Variants in GMEB1 observed in about 807,000 individuals in gnomAD.
The protein encoded by GMEB1 is glucocorticoid modulatory element-binding protein 1.
GMEB1 carries 6 observed loss-of-function variants against 52.4 expected under a neutral mutation model. The ratio of observed to expected loss-of-function variants is 0.11; its 90% CI spans 0.06 to 0.23. GMEB1 has a LOEUF of 0.23. Ranked by LOEUF, GMEB1 falls within the 10% of genes least tolerant of loss-of-function variation. GMEB1 has a pLI of 1.00. For synonymous variants in GMEB1, 255 were observed against 244.9 expected (o/e 1.04, Z -0.38); for missense variants, 486 against 685.6 (o/e 0.71, Z 3.25).
At chr1:28,688,763 G>T (rs2124502400) in intron 2 of GMEB1, among the ~76,000 whole-genome samples, 1 of 151,112 alleles carries the variant, frequency 6.6e-6, no homozygotes, top group East Asian at 2.0e-4. Context: ...AGGGACATCA[G>T]CTTTTTAGTC....
Position 28,714,534 on chromosome 1 carries a change from G to C in GMEB1, c.1453G>C (p.Val485Leu). The C allele has an allele frequency of 6.2e-7, 1 of 1,614,192 alleles. No homozygotes were observed. The highest frequency in any genetic ancestry group is 8.5e-7 in the Non-Finnish European group (1 of 1,180,038). Residue 485 changes from valine to leucine, a missense_variant, in exon 10 of 10, where the codon GTG becomes CTG. Val to Leu is a conservative substitution (Grantham distance 32, BLOSUM62 1). Around this residue, in one of 5 missense-constraint regions of GMEB1, gnomAD observed 153 missense variants for 200.8 expected, o/e 0.76. Coordinates refer to ENST00000373816, the MANE Select transcript of GMEB1 (RefSeq NM_001319674.2). The stretch of plus-strand genomic sequence containing the variant: ...CAACATGACCACCATGGTTAGCCCT[G>C]TGGAATTGGTGGCCATGGAGTCCGG... ...LGNMTTMVSP[V>L]ELVAMESGLT...
intron 1 of GMEB1, among the ~76,000 whole-genome samples, chr1:28,678,674 A>C (rs1669262355): frequency 6.6e-6 from 1 of 152,116 alleles, no homozygotes. Context: ...GCTGAAGTGC[A>C]GTGGCACGAT....
At chr1:28,702,087 TGGGGCTGGCAGGCTAGTA>T (rs1469929407) in intron 6 of GMEB1, among the ~76,000 whole-genome samples, 5 of 152,142 alleles carry the variant, frequency 3.3e-5, no homozygotes, top group African/African-American at 4.8e-5. Context: ...TCAGTAAGTC[TGGGGCTGGCAGGCTAGTA>T]GGGGCTGGCA....
chr1:28,695,026 A>G (rs1212915219), intron 5 of GMEB1, among the ~76,000 whole-genome samples: 1 of 140,068 alleles, frequency 7.1e-6, no homozygotes, highest in African/African-American at 2.7e-5. Context: ...GTGCAGTGGC[A>G]TGATCTTGGC....
intron 6 of GMEB1, among the ~76,000 whole-genome samples, chr1:28,701,849 C>T (rs1670532074): frequency 6.6e-6 from 1 of 152,134 alleles, no homozygotes; most frequent in Non-Finnish European, 1.5e-5. Flanking sequence ...CATGAGCTAC[C>T]ACGCCCAGTC....
At position 28,704,300 on chromosome 1, in the gene GMEB1, G is replaced by A. The variant is rs764765921; in HGVS notation, c.839G>A (p.Arg280Gln). 40 of 1,612,762 alleles carry A rather than the reference G, an allele frequency of 2.5e-5. No homozygotes were observed. Among genetic ancestry groups the A allele is most frequent in the Non-Finnish European group, 3.2e-5 (38 of 1,179,440 alleles). ...GAGCTACTCAGGGGAGTTCAGCAGC[G>A]GCTCATCCAGGCTCCCTTCCAAGTC... ...IEELLRGVQQ[R>Q]LIQAPFQVTD... The change falls in exon 8 of 10, where the codon CGG (arginine) becomes CAG (glutamine). Residue 280 changes from arginine to glutamine, a missense_variant. Physicochemically the swap from Arg to Gln is conservative, Grantham distance 43 (BLOSUM62 1). Coordinates refer to ENST00000373816, the MANE Select transcript of GMEB1 (RefSeq NM_001319674.2).
intron 6 of GMEB1, among the ~76,000 whole-genome samples, chr1:28,700,823 T>C (rs990711899): frequency 6.6e-6 from 1 of 152,206 alleles, no homozygotes; most frequent in Non-Finnish European, 1.5e-5. Context: ...ATTTGGACAC[T>C]TGACTCTTTC....
intron 2 of GMEB1, among the ~76,000 whole-genome samples, chr1:28,685,297 C>T (rs192270245): frequency 4.4e-4 from 67 of 151,804 alleles, no homozygotes; most frequent in Admixed American, 2.9e-3. Flanking sequence ...GCAACCTCCG[C>T]CTCCCAGGTT....
At chr1:28,701,268 CTTT>C (rs67909525) in intron 6 of GMEB1, among the ~76,000 whole-genome samples, 1 of 109,826 alleles carries the variant, frequency 9.1e-6, no homozygotes, top group African/African-American at 3.5e-5. Flanking sequence ...TAAAAGCTGT[CTTT>C]TTTTTTTTTT....
At chr1:28,698,089 G>A (rs368761326) in intron 6 of GMEB1, among the ~76,000 whole-genome samples, 8 of 151,660 alleles carry the variant, frequency 5.3e-5, no homozygotes, top group Admixed American at 2.0e-4. Flanking sequence ...GCAGTAAGCC[G>A]AGATGGCACC....
Position 28,714,137 on chromosome 1 carries a change from A to G in GMEB1, c.1056A>G (p.Thr352=). Reference sequence around the variant, plus strand: ...AGGATCACAGGCTGAAATCTCAGACAGTTCAAAATGTGGTACTGATGCCTG... The same window carrying G: ...AGGATCACAGGCTGAAATCTCAGACGGTTCAAAATGTGGTACTGATGCCTG... ...QGQDHRLKSQ[T]VQNVVLMPVS... The change falls in exon 10 of 10, where the codon ACA becomes ACG. Residue 352 remains threonine, a synonymous_variant. Coordinates refer to ENST00000373816, the MANE Select transcript of GMEB1 (RefSeq NM_001319674.2). The G allele has an allele frequency of 2.5e-6, 4 of 1,614,182 alleles. No homozygotes were observed. The highest frequency in any genetic ancestry group is 3.4e-6 in the Non-Finnish European group (4 of 1,179,992).
intron 2 of GMEB1, among the ~76,000 whole-genome samples, chr1:28,687,425 C>A (rs1669732766): frequency 2.2e-5 from 3 of 133,902 alleles, no homozygotes; most frequent in Non-Finnish European, 4.7e-5. Context: ...TGGGAAGTGG[C>A]AGAAATAAGA....
chr1:28,698,065 G>A (rs1272527427), intron 6 of GMEB1, among the ~76,000 whole-genome samples: 4 of 152,068 alleles, frequency 2.6e-5, no homozygotes, highest in East Asian at 1.9e-4. Flanking sequence ...GCGTGAACTC[G>A]GGAGGCGGAG....
chr1:28,690,186 G>T lies in GMEB1; in HGVS notation c.211G>T (p.Asp71Tyr). 2 of 1,264,694 alleles carry T rather than the reference G, an allele frequency of 1.6e-6. No homozygotes were observed. Among genetic ancestry groups the T allele is most frequent in the South Asian group, 1.3e-5 (1 of 75,294 alleles). The allele number at this position is 1,264,694 out of a possible 1,614,324, so 78.3% of individuals were successfully genotyped here. The change falls in exon 3 of 10, where the codon GAT becomes TAT. Residue 71 changes from aspartate to tyrosine, a missense_variant and splice_region_variant. Around this residue, in one of 5 missense-constraint regions of GMEB1, gnomAD observed 88 missense variants for 96.5 expected, o/e 0.91. Transcript: ENST00000373816. ...HTIHKIEEGI[D>Y]TGTIEANEDM... ...GATACACAAAATTGAAGAAGGGATT[G>T]GTAAGGGTTTTTTTGTGTTTTTTTT...
At chr1:28,692,329 A>G (rs1201840417) in intron 4 of GMEB1, among the ~76,000 whole-genome samples, 3 of 152,060 alleles carry the variant, frequency 2.0e-5, no homozygotes, top group African/African-American at 4.8e-5. Context: ...GTCAGGAGGT[A>G]GAGACCAGCC....
At position 28,719,242 on chromosome 1, in the gene GMEB1, T is replaced by G. The variant is rs1671344556; in HGVS notation, c.*4469T>G. The stretch of plus-strand genomic sequence containing the variant: ...TTGTCTTGGCCATGTCCCTGTTTGG[T>G]CCCTGCCTTGTTCTCTTCCCTTTCT... On this transcript the variant is annotated 3_prime_UTR_variant, in exon 10 of 10. Transcript: ENST00000373816. The G allele has an allele frequency of 6.6e-6, 1 of 152,272 alleles. No homozygotes were observed. The highest frequency in any genetic ancestry group is 2.1e-4 in the South Asian group (1 of 4,830). The allele number at this position is 152,272 out of a possible 1,614,324, so 9.4% of individuals were successfully genotyped here.
rs191080289 is a variant in GMEB1 at position 28,702,310 on chromosome 1, G to C, written c.599-128G>C. On this transcript the variant is annotated intron_variant, in intron 6 of 9. Coordinates refer to ENST00000373816, the MANE Select transcript of GMEB1 (RefSeq NM_001319674.2). ...ACCTAAGAGTCTAGTTTTTAAAATAGGGACCTGCAGCCAAGAGGCTAGAAT... is the reference window on the plus strand; with the variant it reads ...ACCTAAGAGTCTAGTTTTTAAAATACGGACCTGCAGCCAAGAGGCTAGAAT... The C allele has an allele frequency of 6.7e-6, 4 of 596,184 alleles. No homozygotes were observed. In the East Asian group the frequency reaches 1.2e-4, roughly 18 times the overall value. 36.9% of individuals were successfully genotyped at this position (596,184 alleles called of 1,614,324 possible). A position where few individuals can be genotyped will look rare whatever the true frequency, so the allele number is the denominator to read the frequency against.
upstream of GMEB1, among the ~76,000 whole-genome samples, chr1:28,668,504 G>C (rs1301573406): frequency 6.6e-6 from 1 of 152,122 alleles, no homozygotes; most frequent in African/African-American, 2.4e-5. Flanking sequence ...CTCAATTGTG[G>C]TTGAGGTGAT....
At chr1:28,684,044 C>T (rs947390082) in intron 2 of GMEB1, among the ~76,000 whole-genome samples, 1 of 152,010 alleles carries the variant, frequency 6.6e-6, no homozygotes, top group African/African-American at 2.4e-5. Flanking sequence ...TACTCTGTCA[C>T]CTAGGCTGGA....
Sources: gnomAD v4.1 joint callset for allele counts (sites outside exome capture counted in the v4.1 genomes callset) on GRCh38, gnomAD v4.1.1 for gene constraint, gnomAD v4.1.1 regional missense constraint, MANE v1.5 for transcripts, NCBI Gene and HGNC (gene_info 2026-07-23, HGNC 2026-07-21) for gene names.